CWC27: variants seen among roughly 807,000 people sequenced by gnomAD.
CWC27 encodes the protein CWC27 spliceosome associated cyclophilin.
CWC27 carries 47 observed loss-of-function variants against 63.6 expected under a neutral mutation model. The observed-to-expected ratio is 0.74, with a 90% CI of 0.58 to 0.94. The LOEUF (loss-of-function observed/expected upper bound fraction) is 0.94. CWC27 is among the 40% of genes least tolerant of loss of function. The probability of loss-of-function intolerance (pLI) is 0.00; values close to 1 mark genes in which losing one functional copy is unlikely to be tolerated. For synonymous variants in CWC27, 175 were observed against 179.8 expected (o/e 0.97, Z 0.22); for missense variants, 495 against 554.3 (o/e 0.89, Z 1.07).
intron 10 of CWC27, chr5:64,807,962 T>C: frequency 7.0e-7 from 1 of 1,423,644 alleles, no homozygotes; most frequent in East Asian, 2.5e-5. Flanking sequence ...CTGAAACTAC[T>C]TCCACTAAGG....
intron 11 of CWC27, among the ~76,000 whole-genome samples, chr5:64,921,197 A>G (rs1747989822): frequency 6.6e-6 from 1 of 152,184 alleles, no homozygotes; most frequent in South Asian, 2.1e-4. Context: ...TCTTTACCCA[A>G]AAGTCAGTCA....
intron 11 of CWC27, among the ~76,000 whole-genome samples, chr5:64,894,832 C>G (rs1051540831): frequency 6.6e-6 from 1 of 152,142 alleles, no homozygotes; most frequent in Non-Finnish European, 1.5e-5. Context: ...TTTGAAATCT[C>G]ACAAAGTTCA....
At chr5:64,864,231 T>C (rs1286250683) in intron 10 of CWC27, among the ~76,000 whole-genome samples, 1 of 152,228 alleles carries the variant, frequency 6.6e-6, no homozygotes. Flanking sequence ...ATTACATAAA[T>C]GATAGCCATT....
intron 10 of CWC27, among the ~76,000 whole-genome samples, chr5:64,828,198 T>G (rs1219111425): frequency 6.6e-6 from 1 of 152,162 alleles, no homozygotes; most frequent in Non-Finnish European, 1.5e-5. Context: ...AAAAATGTAT[T>G]AGGCATTTTT....
At chr5:64,984,633 A>G (rs768779802) in intron 13 of CWC27, among the ~76,000 whole-genome samples, 3 of 152,084 alleles carry the variant, frequency 2.0e-5, no homozygotes, top group Admixed American at 6.6e-5. Context: ...TCTTTTGCCT[A>G]TTTGGGAATT....
chr5:64,869,143 A>G (rs910153229), intron 10 of CWC27, among the ~76,000 whole-genome samples: 2 of 152,208 alleles, frequency 1.3e-5, no homozygotes, highest in African/African-American at 4.8e-5. Context: ...TATTCATAAA[A>G]TTAAGGGCAA....
intron 10 of CWC27, among the ~76,000 whole-genome samples, chr5:64,849,142 C>G (rs1351572263): frequency 1.3e-5 from 2 of 151,018 alleles, no homozygotes; most frequent in Non-Finnish European, 3.0e-5. Flanking sequence ...GATACAAAAT[C>G]AACACAAAGA....
intron 13 of CWC27, among the ~76,000 whole-genome samples, chr5:65,000,594 A>C (rs1293378985): frequency 6.6e-6 from 1 of 152,070 alleles, no homozygotes; most frequent in Non-Finnish European, 1.5e-5. Flanking sequence ...TCTTTTTCCC[A>C]AAGTATGTTC....
intron 10 of CWC27, among the ~76,000 whole-genome samples, chr5:64,877,937 C>T (rs1487169182): frequency 6.6e-6 from 1 of 151,798 alleles, no homozygotes; most frequent in Non-Finnish European, 1.5e-5. Context: ...TCGCTGCTTC[C>T]TTAGTGATGT....
At chr5:65,014,985 T>C (rs1750026042) in intron 13 of CWC27, among the ~76,000 whole-genome samples, 1 of 152,228 alleles carries the variant, frequency 6.6e-6, no homozygotes, top group African/African-American at 2.4e-5. Context: ...TTTAGGTTTG[T>C]TATTAATCAA....
At chr5:64,850,042 G>C (rs1363930479) in intron 10 of CWC27, among the ~76,000 whole-genome samples, 1 of 151,944 alleles carries the variant, frequency 6.6e-6, no homozygotes, top group Non-Finnish European at 1.5e-5. Flanking sequence ...ACTTTTCTTA[G>C]AAATAGAAAA....
At chr5:64,995,776 A>G (rs1418547739) in intron 13 of CWC27, among the ~76,000 whole-genome samples, 1 of 152,214 alleles carries the variant, frequency 6.6e-6, no homozygotes, top group African/African-American at 2.4e-5. Flanking sequence ...CTTTTAAGGC[A>G]GGTTGAACCT....
rs774781868 is a variant in CWC27, at chr5:64,804,221, T to C, written c.781-8T>C. On this transcript the variant is annotated splice_region_variant and splice_polypyrimidine_tract_variant and intron_variant, in intron 9 of 13. Transcript: ENST00000381070. Reference sequence around the variant, plus strand: ...CACCTGGCAAATACTCATTTTCCATTTCTACAGGATGGAGAAGATGAAAGT... The same window carrying C: ...CACCTGGCAAATACTCATTTTCCATCTCTACAGGATGGAGAAGATGAAAGT... The C allele has an allele frequency of 1.3e-6, 2 of 1,582,112 alleles. No homozygotes were observed. The highest frequency in any genetic ancestry group is 4.5e-5 in the East Asian group (2 of 44,480).
intron 10 of CWC27, among the ~76,000 whole-genome samples, chr5:64,828,167 AT>A (rs1204502133): frequency 2.0e-5 from 3 of 151,702 alleles, no homozygotes. Context: ...TCATTTTACT[AT>A]GTGACATTTT....
chr5:64,791,686 T>G (rs1217811350), intron 7 of CWC27, among the ~76,000 whole-genome samples: 1 of 152,138 alleles, frequency 6.6e-6, no homozygotes, highest in Non-Finnish European at 1.5e-5. Flanking sequence ...CGTCTATATC[T>G]CTAGGCTGGT....
intron 1 of CWC27, among the ~76,000 whole-genome samples, chr5:64,769,695 C>T (rs1057306588): frequency 2.0e-5 from 3 of 152,114 alleles, no homozygotes; most frequent in African/African-American, 7.2e-5. Context: ...GATAAGCGTG[C>T]TTGTGGAGAA....
At chr5:65,003,846 C>CTT (rs67780986) in intron 13 of CWC27, among the ~76,000 whole-genome samples, 1 of 139,650 alleles carries the variant, frequency 7.2e-6, no homozygotes, top group African/African-American at 2.6e-5. Context: ...TTTTATTTGA[C>CTT]TTTTTTTTTT....
chr5:64,976,034 C>G (rs762273878), intron 12 of CWC27, among the ~76,000 whole-genome samples: 5 of 152,038 alleles, frequency 3.3e-5, no homozygotes, highest in Non-Finnish European at 7.4e-5. Flanking sequence ...CGCCATTGCA[C>G]TCCAGCCTGG....
intron 10 of CWC27, among the ~76,000 whole-genome samples, chr5:64,832,482 C>T (rs922627338): frequency 6.6e-6 from 1 of 151,214 alleles, no homozygotes; most frequent in African/African-American, 2.4e-5. Flanking sequence ...GTTTTTCTTT[C>T]AAATATCGAG....
Sources: gnomAD v4.1 joint callset for allele counts (sites outside exome capture counted in the v4.1 genomes callset) on GRCh38, gnomAD v4.1.1 for gene constraint, MANE v1.5 for transcripts, NCBI Gene and HGNC (gene_info 2026-07-23, HGNC 2026-07-21) for gene names.